SLC8A1: variants seen among roughly 807,000 people sequenced by gnomAD.
SLC8A1 encodes solute carrier family 8 member A1.
In SLC8A1, 18 loss-of-function variants were observed where a neutral mutation model predicts 68.3. The ratio of observed to expected loss-of-function variants is 0.26; its 90% CI spans 0.18 to 0.39. The LOEUF (loss-of-function observed/expected upper bound fraction) is 0.39, where lower values mean the gene tolerates loss of function less well. Among genes scored for constraint, SLC8A1 ranks in the 10% least tolerant of loss-of-function variants. The pLI is 1.00. For missense variants in SLC8A1, 985 were observed against 1,156.7 expected, an observed-to-expected ratio of 0.85 and a Z score of 2.15; for synonymous variants, 475 against 415.5, an observed-to-expected ratio of 1.14 and a Z score of -1.74.
chr2:40,263,909 G>A (rs539542237), intron 2 of SLC8A1, among the ~76,000 whole-genome samples: 32 of 152,212 alleles, frequency 2.1e-4, no homozygotes, highest in African/African-American at 7.2e-4. Flanking sequence ...AGAGTGAACA[G>A]GCAACCTACA....
chr2:40,467,532 C>T, intron 1 of SLC8A1, among the ~76,000 whole-genome samples: 2 of 152,134 alleles, frequency 1.3e-5, no homozygotes, highest in African/African-American at 4.8e-5. Flanking sequence ...TTGTTGTCTC[C>T]TTTTATGTTC....
At chr2:40,158,977 G>C (rs2148438891) in intron 6 of SLC8A1, among the ~76,000 whole-genome samples, 1 of 152,232 alleles carries the variant, frequency 6.6e-6, no homozygotes, top group Admixed American at 6.5e-5. Flanking sequence ...ACTGTTTAAA[G>C]CTGCCCTTTT....
At chr2:40,488,404 C>T (rs933354065) in intron 1 of SLC8A1, among the ~76,000 whole-genome samples, 3 of 152,138 alleles carry the variant, frequency 2.0e-5, no homozygotes, top group Non-Finnish European at 2.9e-5. Flanking sequence ...CACAGATGTG[C>T]AGGCAGACCC....
chr2:40,318,297 C>A (rs202188965), intron 2 of SLC8A1, among the ~76,000 whole-genome samples: 1 of 151,922 alleles, frequency 6.6e-6, no homozygotes, highest in Non-Finnish European at 1.5e-5. Flanking sequence ...AGAGCCTCTC[C>A]TGAAAGAGGC....
chr2:40,236,483 C>G lies in SLC8A1; in HGVS notation c.1809-58628G>C, dbSNP rs368073626. Among the ~76,000 whole-genome samples the G allele has an allele frequency of 1.1e-3, 165 of 152,048 alleles. 1 individual carries two copies. Among genetic ancestry groups the G allele is most frequent in the East Asian group, 2.9e-3 (15 of 5,162 alleles). On this transcript the variant is annotated intron_variant, in intron 2 of 7. Coordinates refer to ENST00000406785, the Ensembl canonical transcript of SLC8A1. ...TCTTCCTCCATCCTTTTATTTTGAGCCTATGTGTGTCTCTGCACGTGAGAT... is the reference window on the plus strand; with the variant it reads ...TCTTCCTCCATCCTTTTATTTTGAGGCTATGTGTGTCTCTGCACGTGAGAT...
chr2:40,395,960 G>C (rs557012888), intron 2 of SLC8A1, among the ~76,000 whole-genome samples: 3 of 152,162 alleles, frequency 2.0e-5, no homozygotes, highest in South Asian at 4.1e-4. Context: ...ATACTGTTCT[G>C]TAAAATCAGC....
At chr2:40,300,574 T>C (rs2071271557) in intron 2 of SLC8A1, among the ~76,000 whole-genome samples, 1 of 152,192 alleles carries the variant, frequency 6.6e-6, no homozygotes. Flanking sequence ...TGAGCCCCAC[T>C]GTGCCCTTCT....
At chr2:40,500,389 T>A (rs1194339659) in intron 1 of SLC8A1, among the ~76,000 whole-genome samples, 2 of 152,092 alleles carry the variant, frequency 1.3e-5, no homozygotes, top group Non-Finnish European at 2.9e-5. Flanking sequence ...AACCGTGGCT[T>A]CAATATTCCC....
intron 1 of SLC8A1, among the ~76,000 whole-genome samples, chr2:40,458,600 C>T (rs1401104363): frequency 6.6e-6 from 1 of 152,002 alleles, no homozygotes; most frequent in Non-Finnish European, 1.5e-5. Flanking sequence ...ATATCTACAC[C>T]GGTGTTCTGC....
intron 2 of SLC8A1, among the ~76,000 whole-genome samples, chr2:40,415,787 G>C (rs1228016663): frequency 6.6e-6 from 1 of 151,550 alleles, no homozygotes; most frequent in African/African-American, 2.4e-5. Context: ...GACCAGGGGT[G>C]GGTCACACCT....
chr2:40,108,263 A>G (rs1207895870), exon 8 of SLC8A1: 3 of 150,536 alleles, frequency 2.0e-5, no homozygotes, highest in South Asian at 2.1e-4. Context: ...AAATAACTCA[A>G]TAATTTGGAA....
At chr2:40,457,276 G>A (rs75585957) in intron 1 of SLC8A1, among the ~76,000 whole-genome samples, 2,497 of 152,250 alleles carry the variant, frequency 0.016, 67 homozygotes, top group African/African-American at 0.054. Context: ...GCTCCCTGGG[G>A]TGCTTTGTAC....
At chr2:40,307,589 G>C (rs1375666197) in intron 2 of SLC8A1, among the ~76,000 whole-genome samples, 1 of 152,142 alleles carries the variant, frequency 6.6e-6, no homozygotes, top group Non-Finnish European at 1.5e-5. Flanking sequence ...GGAAACAAAA[G>C]CCTCAAAATA....
At chr2:40,283,808 G>A (rs934239180) in intron 2 of SLC8A1, among the ~76,000 whole-genome samples, 4 of 152,064 alleles carry the variant, frequency 2.6e-5, no homozygotes, top group African/African-American at 7.2e-5. Flanking sequence ...GATAGAACAC[G>A]GTTAGACTTT....
At chr2:40,364,125 A>G (rs542343046) in intron 2 of SLC8A1, among the ~76,000 whole-genome samples, 1 of 152,218 alleles carries the variant, frequency 6.6e-6, no homozygotes, top group African/African-American at 2.4e-5. Context: ...CCTGATAAGT[A>G]TTTGCTCTTA....
At chr2:40,206,062 A>T (rs745893238) in intron 2 of SLC8A1, among the ~76,000 whole-genome samples, 7 of 152,060 alleles carry the variant, frequency 4.6e-5, no homozygotes, top group Non-Finnish European at 1.0e-4. Flanking sequence ...ACAGAAAACT[A>T]GGTTGTTTTC....
intron 2 of SLC8A1, among the ~76,000 whole-genome samples, chr2:40,271,018 T>G (rs142449201): frequency 1.3e-5 from 2 of 152,182 alleles, no homozygotes; most frequent in Admixed American, 6.5e-5. Flanking sequence ...TCTTCCTCAC[T>G]GGTCCACTGT....
At chr2:40,175,725 C>G (rs1447228501) in intron 3 of SLC8A1, among the ~76,000 whole-genome samples, 1 of 152,030 alleles carries the variant, frequency 6.6e-6, no homozygotes, top group East Asian at 1.9e-4. Context: ...AGTCTTAAAT[C>G]ACCCAGGAAC....
chr2:40,313,074 C>T (rs1241285902), intron 2 of SLC8A1, among the ~76,000 whole-genome samples: 1 of 151,950 alleles, frequency 6.6e-6, no homozygotes, highest in Non-Finnish European at 1.5e-5. Flanking sequence ...GTATCCATTA[C>T]CCCCCAAAGT....
Sources: gnomAD v4.1 joint callset for allele counts (sites outside exome capture counted in the v4.1 genomes callset) on GRCh38, gnomAD v4.1.1 for gene constraint, MANE v1.5 for transcripts, NCBI Gene and HGNC (gene_info 2026-07-23, HGNC 2026-07-21) for gene names.